The following TNRC6B variants were observed in gnomAD, a reference collection of about 807,000 sequenced individuals.
The protein encoded by TNRC6B is trinucleotide repeat containing adaptor 6B, also known as trinucleotide repeat-containing gene 6B protein.
In TNRC6B, 52 loss-of-function variants were observed where a neutral mutation model predicts 203.6. The observed-to-expected ratio is 0.26, with a 90% CI of 0.20 to 0.32. The LOEUF (loss-of-function observed/expected upper bound fraction) is 0.32, where lower values mean the gene tolerates loss of function less well. Among genes scored for constraint, TNRC6B ranks in the 10% least tolerant of loss-of-function variants. The pLI is 1.00. For synonymous variants in TNRC6B, 838 were observed against 845.7 expected (o/e 0.99, Z 0.16); for missense variants, 1,923 against 2,286.2 (o/e 0.84, Z 3.24).
chr22:40,052,265 ATTAC>A (rs2067753484), intron 1 of TNRC6B, among the ~76,000 whole-genome samples: 1 of 152,056 alleles, frequency 6.6e-6, no homozygotes, highest in African/African-American at 2.4e-5. Context: ...TCATATAGTG[ATTAC>A]TTACGGTCTT....
rs576844147 is a variant in TNRC6B at position 40,229,456 on chromosome 22, T to C, written c.6-16559T>C. On this transcript the variant is annotated intron_variant, in intron 1 of 22. Transcript: ENST00000454349. ...CCCTGTAGGAAAGGCTTTTTTTTTT[T>C]TCTCTCTCTTCTTTGTTTTTCCTTT... Among the ~76,000 whole-genome samples the C allele has an allele frequency of 2.6e-3, 390 of 152,254 alleles. 3 individuals carry two copies. Among genetic ancestry groups the C allele is most frequent in the Non-Finnish European group, 3.1e-3 (209 of 68,018 alleles).
In TNRC6B at chr22:40,321,131, C is replaced by G; in HGVS notation, c.5016C>G (p.Gly1672=). The G allele has an allele frequency of 3.1e-6, 5 of 1,613,954 alleles. No individual in the cohort carries two copies. The highest frequency in any genetic ancestry group is 4.2e-6 in the Non-Finnish European group (5 of 1,179,856). The part of the protein sequence containing the change: ...STLRTICMQH[G]PLLTFHLNLT... ...TGAGAACGATCTGCATGCAGCATGGCCCACTGCTGACATTCCATCTGAATC... is the reference window on the plus strand; with the variant it reads ...TGAGAACGATCTGCATGCAGCATGGGCCACTGCTGACATTCCATCTGAATC... Residue 1672 remains glycine (G), a synonymous_variant, in exon 22 of 23, where the codon GGC becomes GGG. Coordinates refer to ENST00000454349, the MANE Select transcript of TNRC6B (RefSeq NM_001162501.2).
At chr22:40,247,979 G>A (rs576709544) in intron 2 of TNRC6B, among the ~76,000 whole-genome samples, 120 of 152,190 alleles carry the variant, frequency 7.9e-4, no homozygotes, top group Middle Eastern at 3.4e-3. Context: ...GGAAGCTGAG[G>A]TAGCAGGATC....
chr22:40,178,773 G>A (rs2069097709), intron 1 of TNRC6B, among the ~76,000 whole-genome samples: 1 of 152,104 alleles, frequency 6.6e-6, no homozygotes, highest in Non-Finnish European at 1.5e-5. Context: ...TCTCCTTTCT[G>A]CGCGCGCTCA....
Position 40,261,004 on chromosome 22 carries a change from G to A in TNRC6B, c.116-828G>A, listed in dbSNP as rs1014744205. ...ACAAATAATCTTAGCCAGGGTCTGG[G>A]TGTGGTGGCTCACACCTGTAATCCC... On this transcript the variant is annotated intron_variant, in intron 3 of 22. Transcript: ENST00000454349. Among the ~76,000 whole-genome samples, 32 of 152,186 alleles carry A rather than the reference G, an allele frequency of 2.1e-4. No homozygotes were observed. The South Asian group carries it at 2.3e-3, about 11-fold the overall frequency.
chr22:40,318,978 A>G (rs1380968334), intron 21 of TNRC6B, among the ~76,000 whole-genome samples: 3 of 152,026 alleles, frequency 2.0e-5, no homozygotes, highest in Non-Finnish European at 4.4e-5. Flanking sequence ...AAGCTGAGGC[A>G]GGAGAATCGC....
chr22:40,280,210 A>G (rs2070705857), intron 10 of TNRC6B, 67 bp downstream of exon 10: 1 of 1,487,966 alleles, frequency 6.7e-7, no homozygotes, highest in Non-Finnish European at 9.2e-7. Flanking sequence ...TTGTCTTTTG[A>G]TAACTGATTC....
intron 4 of TNRC6B, among the ~76,000 whole-genome samples, chr22:40,262,896 C>G (rs1265982893): frequency 6.6e-6 from 1 of 151,908 alleles, no homozygotes; most frequent in Non-Finnish European, 1.5e-5. Context: ...AAAAATTAGC[C>G]AGGCATGGTG....
chr22:40,163,485 A>G (rs918705611), intron 4 of TNRC6B, among the ~76,000 whole-genome samples: 4 of 111,696 alleles, frequency 3.6e-5, no homozygotes, highest in African/African-American at 1.6e-4. Context: ...AAAAAAGGCC[A>G]GGCACGGTGG....
intron 15 of TNRC6B, among the ~76,000 whole-genome samples, chr22:40,302,278 C>A (rs538419459): frequency 1.9e-3 from 291 of 152,252 alleles, no homozygotes; most frequent in African/African-American, 5.5e-3. Flanking sequence ...ATCATAGTTT[C>A]ATCTCAAACT....
chr22:40,106,171 T>C (rs1342060095), intron 1 of TNRC6B, among the ~76,000 whole-genome samples: 1 of 152,034 alleles, frequency 6.6e-6, no homozygotes, highest in African/African-American at 2.4e-5. Flanking sequence ...TAGAACTCTT[T>C]ATTATTTTGA....
intron 11 of TNRC6B, among the ~76,000 whole-genome samples, chr22:40,285,375 T>C (rs1256499331): frequency 6.6e-6 from 1 of 152,208 alleles, no homozygotes; most frequent in Non-Finnish European, 1.5e-5. Flanking sequence ...TATCTTTGGT[T>C]CACAAAAAAG....
chr22:40,318,178 A>G (rs1201064593), intron 21 of TNRC6B, among the ~76,000 whole-genome samples: 2 of 152,302 alleles, frequency 1.3e-5, no homozygotes, highest in East Asian at 1.9e-4. Flanking sequence ...GAGGTAAACA[A>G]TTTCCTAAAT....
intron 3 of TNRC6B, chr22:40,156,038 A>G (rs1261863184): frequency 1.4e-5 from 19 of 1,353,778 alleles, no homozygotes; most frequent in Non-Finnish European, 2.0e-5. Flanking sequence ...GGTTCTGCAC[A>G]GGGCAGGTGT....
In TNRC6B at chr22:40,285,324, A is replaced by G. The variant is rs184753505; in HGVS notation, c.3583-321A>G. Reference sequence around the variant, plus strand: ...TTTGAGAATAAATTTGGTAAACCCAATCGCAAAGAAGAGTACTTGAAATAA... The same window carrying G: ...TTTGAGAATAAATTTGGTAAACCCAGTCGCAAAGAAGAGTACTTGAAATAA... On this transcript the variant is annotated intron_variant, in intron 11 of 22. Coordinates refer to ENST00000454349, the MANE Select transcript of TNRC6B (RefSeq NM_001162501.2). 1.4e-3 allele frequency among the ~76,000 whole-genome samples: 206 copies of G among 152,396 alleles called. 1 individual carries two copies. Among genetic ancestry groups the G allele is most frequent in the African/African-American group, 4.1e-3 (169 of 41,596 alleles).
At chr22:40,161,714 T>C (rs1285737058) in intron 4 of TNRC6B, among the ~76,000 whole-genome samples, 1 of 152,238 alleles carries the variant, frequency 6.6e-6, no homozygotes, top group Non-Finnish European at 1.5e-5. Context: ...ATAATGTATA[T>C]AGCTGTAAAC....
chr22:40,313,035 C>G, intron 19 of TNRC6B, 38 bp downstream of exon 19: 1 of 1,520,878 alleles, frequency 6.6e-7, no homozygotes, highest in Non-Finnish European at 9.1e-7. Flanking sequence ...TTGGTTAGCA[C>G]TTTTTCATCA....
intron 1 of TNRC6B, among the ~76,000 whole-genome samples, chr22:40,207,576 C>A (rs6001837): frequency 0.68 from 103,281 of 151,422 alleles, 37,046 homozygotes; most frequent in African/African-American, 0.91. Flanking sequence ...TTTTCAGTAC[C>A]TGTGATCAAC....
intron 1 of TNRC6B, among the ~76,000 whole-genome samples, chr22:40,187,101 A>C (rs1483542511): frequency 6.6e-6 from 1 of 152,254 alleles, no homozygotes; most frequent in Non-Finnish European, 1.5e-5. Context: ...ACAGTTAAAA[A>C]TTCAGTTTGA....
Sources: allele counts gnomAD v4.1 joint callset (sites outside exome capture counted in the v4.1 genomes callset), GRCh38; gene constraint gnomAD v4.1.1; transcripts MANE v1.5; gene names NCBI Gene and HGNC (gene_info 2026-07-23, HGNC 2026-07-21).